CSMD1: variants seen among roughly 807,000 people sequenced by gnomAD.
CSMD1 encodes CUB and Sushi multiple domains 1.
A neutral mutation model predicts 417.5 loss-of-function variants in CSMD1; 213 were observed. That is an observed-to-expected ratio of 0.51 (90% CI 0.46 to 0.57). The LOEUF is 0.57. Ranked by LOEUF, CSMD1 falls within the 20% of genes least tolerant of loss-of-function variation. The probability of loss-of-function intolerance (pLI) is 0.00; values close to 1 mark genes in which losing one functional copy is unlikely to be tolerated. For missense variants in CSMD1, 6,923 were observed against 4,529.7 expected, an observed-to-expected ratio of 1.53 and a Z score of -15.17; for synonymous variants, 2,862 against 1,736.8, an observed-to-expected ratio of 1.65 and a Z score of -16.11.
chr8:3,194,279 C>T (rs1195769267), intron 33 of CSMD1, among the ~76,000 whole-genome samples: 2 of 152,080 alleles, frequency 1.3e-5, no homozygotes, highest in Non-Finnish European at 2.9e-5. Context: ...TCAATCAAAA[C>T]ATGTATTTGC....
chr8:3,215,509 T>C (rs2116823641), intron 29 of CSMD1, among the ~76,000 whole-genome samples: 1 of 152,318 alleles, frequency 6.6e-6, no homozygotes, highest in South Asian at 2.1e-4. Flanking sequence ...TCAAGGAAAG[T>C]TAAGTCACTT....
At chr8:3,071,610 A>G (rs1813327015) in intron 49 of CSMD1, among the ~76,000 whole-genome samples, 2 of 152,218 alleles carry the variant, frequency 1.3e-5, no homozygotes, top group African/African-American at 4.8e-5. Flanking sequence ...CAAGTGGATT[A>G]TTTCTCACAT....
chr8:4,133,850 C>T (rs558612773), intron 3 of CSMD1, among the ~76,000 whole-genome samples: 2 of 152,238 alleles, frequency 1.3e-5, no homozygotes, highest in African/African-American at 4.8e-5. Context: ...GCTTTGCAAT[C>T]AGGGTTACAC....
intron 6 of CSMD1, among the ~76,000 whole-genome samples, chr8:3,730,226 C>T (rs1483477815): frequency 1.3e-5 from 2 of 152,076 alleles, no homozygotes; most frequent in African/African-American, 4.8e-5. Flanking sequence ...TTTGATTCCC[C>T]ATATGGTTAA....
chr8:4,280,275 C>T (rs922511485), intron 3 of CSMD1, among the ~76,000 whole-genome samples: 5 of 152,106 alleles, frequency 3.3e-5, no homozygotes, highest in Non-Finnish European at 7.4e-5. Flanking sequence ...TTGATATTAG[C>T]ACGTTTTTAT....
chr8:3,649,904 C>G (rs997992493), intron 7 of CSMD1, among the ~76,000 whole-genome samples: 6 of 152,036 alleles, frequency 3.9e-5, no homozygotes, highest in African/African-American at 1.2e-4. Flanking sequence ...TAGCCCAGAG[C>G]TTTGTGCATG....
intron 3 of CSMD1, among the ~76,000 whole-genome samples, chr8:4,053,101 A>G (rs1436141838): frequency 1.3e-5 from 2 of 152,164 alleles, no homozygotes; most frequent in African/African-American, 4.8e-5. Flanking sequence ...GAAGGGGCTG[A>G]TACGAGGACC....
intron 23 of CSMD1, among the ~76,000 whole-genome samples, chr8:3,327,124 A>G (rs1243243142): frequency 6.6e-6 from 1 of 150,832 alleles, no homozygotes; most frequent in Non-Finnish European, 1.5e-5. Context: ...TGGCATTAAC[A>G]CTTGACATCT....
intron 3 of CSMD1, among the ~76,000 whole-genome samples, chr8:4,050,275 T>C (rs1217362079): frequency 1.3e-5 from 2 of 152,108 alleles, no homozygotes; most frequent in East Asian, 1.9e-4. Flanking sequence ...CTATACTCTT[T>C]GGAAGGGAGG....
chr8:4,405,788 G>C (rs898840142), intron 3 of CSMD1, among the ~76,000 whole-genome samples: 10 of 152,192 alleles, frequency 6.6e-5, no homozygotes, highest in African/African-American at 2.4e-4. Context: ...AGTTTGTTGA[G>C]TGATTTTAGA....
intron 37 of CSMD1, among the ~76,000 whole-genome samples, chr8:3,174,470 G>A (rs1445840769): frequency 2.0e-5 from 3 of 152,134 alleles, no homozygotes; most frequent in East Asian, 3.9e-4. Flanking sequence ...ACTCCAGCCT[G>A]GGCCAGAGTG....
Position 2,965,907 on chromosome 8 carries a change from C to G in CSMD1, c.9148G>C (p.Gly3050Arg), listed in dbSNP as rs1803913502. 2 of 1,610,212 alleles carry G rather than the reference C, an allele frequency of 1.2e-6. No individual in the cohort carries two copies. Among genetic ancestry groups the G allele is most frequent in the African/African-American group, 2.7e-5 (2 of 74,990 alleles). The change falls in exon 59 of 70, where the codon GGG becomes CGG. Residue 3050 changes from glycine (G) to arginine (R), a missense_variant. Gly to Arg is a moderately radical substitution (Grantham distance 125, BLOSUM62 -2). Coordinates refer to ENST00000635120, the MANE Select transcript of CSMD1 (RefSeq NM_033225.6). ...GTCTTGTTGAAGGTGAAGTCGGTCC[C>G]AAACTGGATGCCATTTGCTAGTGTG... ...PGTLANGIQF[G>R]TDFTFNKTVS...
chr8:4,911,998 T>C (rs1262724563), intron 1 of CSMD1, among the ~76,000 whole-genome samples: 2 of 151,674 alleles, frequency 1.3e-5, no homozygotes, highest in Admixed American at 6.6e-5. Flanking sequence ...AAGTACGTAC[T>C]CTTTTGGTCT....
rs1027172255 is a variant in CSMD1, at chr8:4,096,918, T to G, written c.416-64819A>C. Among the ~76,000 whole-genome samples, 16 of 152,282 alleles carry G rather than the reference T, an allele frequency of 1.1e-4. No individual in the cohort carries two copies. The East Asian group carries it at 2.9e-3, about 28-fold the overall frequency. ...CAGTTGCCTCAGTTTTATACATAAT[T>G]GCAGAGCAAACACCCCAAAAACAAA... is the stretch of plus-strand genomic sequence containing the variant. On this transcript the variant is annotated intron_variant, in intron 3 of 69. Transcript: ENST00000635120.
rs181422503 is a variant in CSMD1 at position 4,218,241 on chromosome 8, G to A, written c.416-186142C>T. On this transcript the variant is annotated intron_variant, in intron 3 of 69. Coordinates refer to ENST00000635120, the MANE Select transcript of CSMD1 (RefSeq NM_033225.6). ...TTCATTTTATGAGTATCCCAGGGAT[G>A]TAGCAATTTATCTGAATTGCGTGTG... Among the ~76,000 whole-genome samples the A allele has an allele frequency of 1.5e-3, 226 of 152,258 alleles. 4 individuals carry two copies. The highest frequency in any genetic ancestry group is 1.8e-3 in the Non-Finnish European group (122 of 68,028).
chr8:3,501,323 TCTTC>T (rs1241275309), intron 10 of CSMD1, among the ~76,000 whole-genome samples: 1 of 152,192 alleles, frequency 6.6e-6, no homozygotes, highest in Non-Finnish European at 1.5e-5. Flanking sequence ...TCATTGGGTT[TCTTC>T]CTTGATAGCA....
intron 7 of CSMD1, among the ~76,000 whole-genome samples, chr8:3,652,116 T>TTAC (rs1293766450): frequency 1.7e-5 from 1 of 60,104 alleles, no homozygotes; most frequent in Non-Finnish European, 3.8e-5. Flanking sequence ...ATCAGCACGC[T>TTAC]TACCATCAGA....
intron 3 of CSMD1, among the ~76,000 whole-genome samples, chr8:4,148,796 T>A (rs889457503): frequency 2.6e-5 from 4 of 152,134 alleles, no homozygotes; most frequent in African/African-American, 9.7e-5. Context: ...AACAGGTGCA[T>A]TGGGAAGGGA....
At chr8:4,745,155 A>G (rs1284359321) in intron 1 of CSMD1, among the ~76,000 whole-genome samples, 2 of 152,134 alleles carry the variant, frequency 1.3e-5, no homozygotes, top group Non-Finnish European at 2.9e-5. Flanking sequence ...AATTAGATTT[A>G]TCTTATGTAG....
Sources: gnomAD v4.1 joint callset for allele counts (sites outside exome capture counted in the v4.1 genomes callset) on GRCh38, gnomAD v4.1.1 for gene constraint, MANE v1.5 for transcripts, NCBI Gene and HGNC (gene_info 2026-07-23, HGNC 2026-07-21) for gene names.